ATP6V0A4: variants seen among roughly 807,000 people sequenced by gnomAD.
ATP6V0A4 encodes ATPase H+ transporting V0 subunit a4.
A neutral mutation model predicts 107.3 loss-of-function variants in ATP6V0A4; 86 were observed. The ratio of observed to expected loss-of-function variants is 0.80; its 90% confidence interval spans 0.67 to 0.96. The LOEUF (loss-of-function observed/expected upper bound fraction) is 0.96, where lower values mean the gene tolerates loss of function less well. Ranked by LOEUF, ATP6V0A4 falls within the 40% of genes least tolerant of loss-of-function variation. ATP6V0A4 has a pLI of 0.00. For missense variants in ATP6V0A4, 908 were observed against 1,045.6 expected (o/e 0.87, Z 1.81); for synonymous variants, 353 against 381.4 (o/e 0.93, Z 0.87).
chr7:138,747,587 G>A lies in ATP6V0A4; in HGVS notation c.1181-23C>T, dbSNP rs181227639. The A allele has an allele frequency of 2.2e-5, 36 of 1,613,020 alleles. 1 individual carries two copies. The South Asian group carries it at 2.5e-4, about 11-fold the overall frequency. On this transcript the variant is annotated intron_variant, in intron 12 of 21. Transcript: ENST00000310018. ...GGGCTGCGGAGGGGAGACACACAAC[G>A]CCTGAGGCCTCAGCACAGCCTCGGG... is the stretch of plus-strand genomic sequence containing the variant.
At chr7:138,782,524 T>A (rs1584949591) in intron 2 of ATP6V0A4, among the ~76,000 whole-genome samples, 1 of 151,814 alleles carries the variant, frequency 6.6e-6, no homozygotes, top group Non-Finnish European at 1.5e-5. Context: ...GCAGTGGAGG[T>A]CCAAGCCTGA....
Position 138,759,879 on chromosome 7 carries a change from C to A in ATP6V0A4, c.513-1G>T. On this transcript the variant is annotated splice_acceptor_variant, in intron 7 of 21. Transcript: ENST00000310018. LOFTEE classifies it high-confidence loss of function. ...CCTGTTGATCACACCGGCTATGAAC[C>A]TAGGCAGCCAGAAGGGAAGACATTC... 1 of 1,614,042 alleles carries A rather than the reference C, an allele frequency of 6.2e-7. No homozygotes were observed. The highest frequency in any genetic ancestry group is 1.3e-5 in the African/African-American group (1 of 75,000).
chr7:138,766,731 T>C (rs1807112714), intron 5 of ATP6V0A4, among the ~76,000 whole-genome samples: 1 of 152,186 alleles, frequency 6.6e-6, no homozygotes, highest in Non-Finnish European at 1.5e-5. Context: ...CTTGGCATGG[T>C]TGAAGTCAGC....
chr7:138,774,537 C>T (rs1351208537), intron 2 of ATP6V0A4, among the ~76,000 whole-genome samples: 4 of 150,398 alleles, frequency 2.7e-5, no homozygotes, highest in Admixed American at 6.6e-5. Context: ...GCCTAGATCA[C>T]GCCACTGCAC....
rs1486563493 is a variant in ATP6V0A4 at position 138,708,042 on chromosome 7, T to TTTATTTAC, written c.2430-1326_2430-1325insGTAAATAA. 2.3e-4 allele frequency among the ~76,000 whole-genome samples: 34 copies of TTTATTTAC among 150,030 alleles called. No individual in the cohort carries two copies. The South Asian group carries it at 6.7e-3, about 30-fold the overall frequency. On this transcript the variant is annotated intron_variant, in intron 21 of 21. Coordinates refer to ENST00000310018, the MANE Select transcript of ATP6V0A4 (RefSeq NM_020632.3). ...TTTTATTTATTTATTTATTTATTTATTTATTTATTTATTTATTTATTTATT... is the reference window on the plus strand; with the variant it reads ...TTTTATTTATTTATTTATTTATTTATTTATTTACTTATTTATTTATTTATTTATTTATT...
Position 138,747,048 on chromosome 7 carries a change from T to C in ATP6V0A4, c.1320+377A>G, listed in dbSNP as rs532069126. ...AAATTGGTGGATAAGCACAAACAAA[T>C]TGGAAAGATATCCAAAAGCATTCAT... On this transcript the variant is annotated intron_variant, in intron 13 of 21. Coordinates refer to ENST00000310018, the MANE Select transcript of ATP6V0A4 (RefSeq NM_020632.3). 1.7e-3 allele frequency among the ~76,000 whole-genome samples: 262 copies of C among 151,968 alleles called. 2 individuals are homozygous for C. Among genetic ancestry groups the C allele is most frequent in the African/African-American group, 6.1e-3 (253 of 41,532 alleles).
intron 2 of ATP6V0A4, among the ~76,000 whole-genome samples, chr7:138,784,881 G>C (rs1285384217): frequency 2.0e-5 from 3 of 152,164 alleles, no homozygotes; most frequent in Non-Finnish European, 1.5e-5. Flanking sequence ...CATGCCCTGA[G>C]GACTTTCTAC....
At position 138,768,952 on chromosome 7, in the gene ATP6V0A4, T is replaced by C. The variant is rs1460868238; in HGVS notation, c.197-78A>G. The C allele has an allele frequency of 1.4e-5, 23 of 1,594,604 alleles. 1 individual carries two copies. In the East Asian group the frequency reaches 4.8e-4, roughly 33 times the overall value. Reference sequence around the variant, plus strand: ...CTAAGAAATGAGGTCAAGCAAGACATGTGCCTTTCACTCAGCTCAGCTACC... The same window carrying C: ...CTAAGAAATGAGGTCAAGCAAGACACGTGCCTTTCACTCAGCTCAGCTACC... On this transcript the variant is annotated intron_variant, in intron 4 of 21. Coordinates refer to ENST00000310018, the MANE Select transcript of ATP6V0A4 (RefSeq NM_020632.3).
At chr7:138,792,302 T>C (rs1429428500) in intron 1 of ATP6V0A4, among the ~76,000 whole-genome samples, 3 of 152,164 alleles carry the variant, frequency 2.0e-5, no homozygotes, top group Non-Finnish European at 4.4e-5. Flanking sequence ...TAAATGGAGT[T>C]AAAGTTCTGA....
At chr7:138,774,547 C>T (rs1807553668) in intron 2 of ATP6V0A4, among the ~76,000 whole-genome samples, 1 of 146,030 alleles carries the variant, frequency 6.8e-6, no homozygotes, top group East Asian at 2.0e-4. Flanking sequence ...CGCCACTGCA[C>T]TCCAGCCTGG....
chr7:138,714,391 T>C (rs1314304212), intron 20 of ATP6V0A4, among the ~76,000 whole-genome samples: 1 of 152,042 alleles, frequency 6.6e-6, no homozygotes, highest in Admixed American at 6.6e-5. Context: ...TCATGATTCC[T>C]GACGTTAGGC....
chr7:138,745,090 C>T (rs111343223), intron 14 of ATP6V0A4, 33 bp downstream of exon 14: 1 of 1,583,732 alleles, frequency 6.3e-7, no homozygotes. Flanking sequence ...CCTGGATGGC[C>T]AGCGACTACA....
At chr7:138,744,364 A>T (rs1805799710) in intron 14 of ATP6V0A4, among the ~76,000 whole-genome samples, 1 of 146,258 alleles carries the variant, frequency 6.8e-6, no homozygotes, top group Non-Finnish European at 1.5e-5. Context: ...TGGCCTCCTT[A>T]GTAGCTGGGA....
At chr7:138,768,175 G>A (rs112227170) in intron 5 of ATP6V0A4, among the ~76,000 whole-genome samples, 4 of 152,100 alleles carry the variant, frequency 2.6e-5, no homozygotes, top group South Asian at 2.1e-4. Flanking sequence ...TTCGTGATCC[G>A]CCTGCCTCGG....
At chr7:138,753,694 C>G (rs423184) in intron 10 of ATP6V0A4, among the ~76,000 whole-genome samples, 101,616 of 152,020 alleles carry the variant, frequency 0.67, 34,779 homozygotes, top group African/African-American at 0.83. Context: ...CACTGTAAGA[C>G]AGACATGCTG....
chr7:138,763,488 A>G (rs1806931731), intron 5 of ATP6V0A4, among the ~76,000 whole-genome samples: 1 of 151,808 alleles, frequency 6.6e-6, no homozygotes, highest in African/African-American at 2.4e-5. Flanking sequence ...ATTAGCCAGG[A>G]ATGGTGGCAC....
intron 18 of ATP6V0A4, among the ~76,000 whole-genome samples, chr7:138,725,304 G>A (rs1350289858): frequency 6.6e-6 from 1 of 152,090 alleles, no homozygotes; most frequent in Non-Finnish European, 1.5e-5. Context: ...AAACCCATGT[G>A]CCAAAAGATA....
intron 18 of ATP6V0A4, among the ~76,000 whole-genome samples, chr7:138,723,500 G>A (rs941412384): frequency 2.7e-5 from 4 of 149,340 alleles, no homozygotes; most frequent in African/African-American, 4.9e-5. Flanking sequence ...AGGCATCAAC[G>A]TATCTGGACC....
chr7:138,718,051 G>C (rs1184640398), intron 19 of ATP6V0A4, among the ~76,000 whole-genome samples: 2 of 138,776 alleles, frequency 1.4e-5, no homozygotes, highest in Non-Finnish European at 1.5e-5. Flanking sequence ...GGAGTGGGGG[G>C]GTACAGTCAC....
Sources: allele counts gnomAD v4.1 joint callset (sites outside exome capture counted in the v4.1 genomes callset), GRCh38; gene constraint gnomAD v4.1.1; transcripts MANE v1.5; gene names NCBI Gene and HGNC (gene_info 2026-07-23, HGNC 2026-07-21).